Variants in ROBO1 observed in about 807,000 individuals in gnomAD.
ROBO1 encodes roundabout homolog 1.
Under a neutral mutation model 195.9 loss-of-function variants are expected in ROBO1, and 149 were observed. That is an observed-to-expected ratio of 0.76 (90% CI 0.67 to 0.87). ROBO1 has a LOEUF of 0.87. Among genes scored for constraint, ROBO1 ranks in the 40% least tolerant of loss-of-function variants. The pLI, the probability that ROBO1 is intolerant of heterozygous loss-of-function variation, is 0.00. For synonymous variants in ROBO1, 816 were observed against 733.2 expected (o/e 1.11, Z -1.82); for missense variants, 1,933 against 2,068.3 (o/e 0.93, Z 1.27).
At chr3:79,581,866 C>A (rs956954627) in intron 2 of ROBO1, among the ~76,000 whole-genome samples, 1 of 151,894 alleles carries the variant, frequency 6.6e-6, no homozygotes, top group Non-Finnish European at 1.5e-5. Context: ...ATTGAAAGAA[C>A]AAATCATATA....
At chr3:78,986,778 ACG>A (rs1559560996) in intron 3 of ROBO1, among the ~76,000 whole-genome samples, 11 of 152,010 alleles carry the variant, frequency 7.2e-5, no homozygotes, top group Non-Finnish European at 1.6e-4. Flanking sequence ...ACTGGGGTTG[ACG>A]GGGGAAAAAA....
At chr3:79,129,864 G>A (rs1055352740) in intron 2 of ROBO1, among the ~76,000 whole-genome samples, 6 of 148,750 alleles carry the variant, frequency 4.0e-5, no homozygotes, top group Non-Finnish European at 7.4e-5. Context: ...TGTATAAGGT[G>A]TAAGGAAGGG....
intron 2 of ROBO1, among the ~76,000 whole-genome samples, chr3:79,529,465 A>T (rs1402977810): frequency 1.3e-5 from 2 of 152,252 alleles, no homozygotes; most frequent in Non-Finnish European, 2.9e-5. Context: ...CGACAGAGTG[A>T]GACCCTGTCT....
intron 2 of ROBO1, among the ~76,000 whole-genome samples, chr3:79,437,434 A>T (rs1428703776): frequency 6.6e-6 from 1 of 151,982 alleles, no homozygotes; most frequent in Non-Finnish European, 1.5e-5. Flanking sequence ...ACAACCCAAC[A>T]TATATACTCT....
intron 10 of ROBO1, among the ~76,000 whole-genome samples, chr3:78,676,423 T>C (rs1575906482): frequency 6.6e-6 from 1 of 152,076 alleles, no homozygotes; most frequent in Non-Finnish European, 1.5e-5. Context: ...AGTTAAAAAC[T>C]TTAAAAAAAT....
intron 2 of ROBO1, among the ~76,000 whole-genome samples, chr3:79,214,040 G>A (rs910713513): frequency 4.0e-5 from 6 of 151,752 alleles, no homozygotes; most frequent in African/African-American, 1.5e-4. Context: ...TGGCCTGGCT[G>A]GTCTCGAATT....
At chr3:79,243,359 T>C (rs2082559017) in intron 2 of ROBO1, among the ~76,000 whole-genome samples, 1 of 152,182 alleles carries the variant, frequency 6.6e-6, no homozygotes. Context: ...AGTAATGGGA[T>C]GGCTGGTTCA....
intron 20 of ROBO1, 80 bp downstream of exon 20, chr3:78,647,549 T>G: frequency 7.4e-7 from 1 of 1,349,852 alleles, no homozygotes; most frequent in Non-Finnish European, 1.1e-6. Flanking sequence ...CTGCAGAAAA[T>G]GAAATAAAAA....
intron 3 of ROBO1, among the ~76,000 whole-genome samples, chr3:79,037,925 C>T (rs1190906933): frequency 1.3e-5 from 2 of 152,192 alleles, no homozygotes; most frequent in East Asian, 1.9e-4. Context: ...GAACACTTTA[C>T]TTTGCAGAAA....
chr3:79,263,540 A>G (rs1437947211), intron 2 of ROBO1, among the ~76,000 whole-genome samples: 3 of 151,930 alleles, frequency 2.0e-5, no homozygotes, highest in Non-Finnish European at 2.9e-5. Context: ...GCTACTCAGG[A>G]GGTTTAGGTG....
chr3:79,575,540 TATAA>T (rs1943457256), intron 2 of ROBO1, among the ~76,000 whole-genome samples: 1 of 139,088 alleles, frequency 7.2e-6, no homozygotes, highest in Non-Finnish European at 1.5e-5. Context: ...AACAAATATA[TATAA>T]ATATATATAA....
intron 2 of ROBO1, among the ~76,000 whole-genome samples, chr3:79,497,654 G>A (rs1250375363): frequency 6.6e-6 from 1 of 152,142 alleles, no homozygotes; most frequent in Non-Finnish European, 1.5e-5. Context: ...CCTTGAAACT[G>A]CGAAGGGACA....
At chr3:79,150,998 A>G (rs1323585377) in intron 2 of ROBO1, among the ~76,000 whole-genome samples, 3 of 151,702 alleles carry the variant, frequency 2.0e-5, no homozygotes, top group Admixed American at 6.6e-5. Context: ...CCAGGTGGAG[A>G]TAATTGAATC....
intron 2 of ROBO1, among the ~76,000 whole-genome samples, chr3:79,236,147 C>G (rs1429747984): frequency 6.6e-6 from 1 of 152,000 alleles, no homozygotes; most frequent in Admixed American, 6.5e-5. Flanking sequence ...TATGAACACA[C>G]GTATGACATT....
intron 2 of ROBO1, among the ~76,000 whole-genome samples, chr3:79,446,089 T>C (rs1046627979): frequency 6.6e-6 from 1 of 152,206 alleles, no homozygotes; most frequent in Non-Finnish European, 1.5e-5. Context: ...TGAGTCACTG[T>C]GCCCAGCCCA....
chr3:78,962,373 T>G (rs762324344), intron 3 of ROBO1, among the ~76,000 whole-genome samples: 6 of 152,144 alleles, frequency 3.9e-5, no homozygotes, highest in Admixed American at 6.5e-5. Flanking sequence ...CTTTACTTTT[T>G]TGGTGGAATT....
chr3:78,792,156 C>A (rs1178278695), intron 4 of ROBO1, among the ~76,000 whole-genome samples: 1 of 152,104 alleles, frequency 6.6e-6, no homozygotes, highest in Admixed American at 6.6e-5. Context: ...GTCCTGGGAC[C>A]TCATTGTGGG....
At chr3:79,601,477 G>A (rs1167105490) in intron 1 of ROBO1, among the ~76,000 whole-genome samples, 1 of 151,958 alleles carries the variant, frequency 6.6e-6, no homozygotes, top group African/African-American at 2.4e-5. Context: ...GATGGCAAAG[G>A]TCTCTATTAT....
At chr3:79,293,876 G>T (rs2032411015) in intron 2 of ROBO1, among the ~76,000 whole-genome samples, 1 of 151,086 alleles carries the variant, frequency 6.6e-6, no homozygotes, top group Non-Finnish European at 1.5e-5. Flanking sequence ...GGCTAACACG[G>T]TGAAACCCCG....
Sources: gnomAD v4.1 joint callset for allele counts (sites outside exome capture counted in the v4.1 genomes callset) on GRCh38, gnomAD v4.1.1 for gene constraint, MANE v1.5 for transcripts, NCBI Gene and HGNC (gene_info 2026-07-23, HGNC 2026-07-21) for gene names.